Variants in APCDD1L observed in about 807,000 individuals in gnomAD.
The protein encoded by APCDD1L is protein APCDD1-like.
In APCDD1L, 21 loss-of-function variants were observed where a neutral mutation model predicts 24.2. That is an observed-to-expected ratio of 0.87 (90% CI 0.61 to 1.25). The LOEUF (loss-of-function observed/expected upper bound fraction) is 1.25, where lower values mean the gene tolerates loss of function less well. APCDD1L is among the 50% of genes most tolerant of loss of function. APCDD1L has a pLI of 0.00. For missense variants in APCDD1L, 704 were observed against 711.7 expected (o/e 0.99, Z 0.12); for synonymous variants, 321 against 323.6 (o/e 0.99, Z 0.09).
At chr20:58,499,959 C>T (rs930709608) in intron 1 of APCDD1L, among the ~76,000 whole-genome samples, 16 of 152,184 alleles carry the variant, frequency 1.1e-4, no homozygotes, top group African/African-American at 3.9e-4. Flanking sequence ...GTGCCTACTA[C>T]AGACTGGGCA....
At position 58,467,313 on chromosome 20, in the gene APCDD1L, G is replaced by T; in HGVS notation, c.534C>A (p.Ser178Arg). 6.6e-7 allele frequency: 1 copy of T among 1,519,858 alleles called. No individual in the cohort carries two copies. The highest frequency in any genetic ancestry group is 8.8e-7 in the Non-Finnish European group (1 of 1,140,456). 94.1% of individuals were successfully genotyped at this position (1,519,858 alleles called of 1,614,324 possible). Residue 178 changes from serine (S) to arginine (R), a missense_variant, in exon 3 of 4, where the codon AGC (serine) becomes AGA (arginine). By Grantham distance (110) the Ser-to-Arg change is moderately radical. Coordinates refer to ENST00000371149, the MANE Select transcript of APCDD1L (RefSeq NM_153360.3). The surrounding 1 kb of genome is among the most constrained non-coding windows in gnomAD (Gnocchi z 5.9). ...CCAGGCAGTCCCCCTGAGCCCGGGC[G>T]CTCCGCAGCTCGTACAGCGCCCCAG... ...WLPGALYELR[S>R]ARAQGDCLEA...
chr20:58,464,837 ATC>A (rs1272318142), intron 3 of APCDD1L, among the ~76,000 whole-genome samples: 2 of 149,962 alleles, frequency 1.3e-5, no homozygotes, highest in Non-Finnish European at 3.0e-5. Context: ...CTTTGAAATT[ATC>A]TGTCTTTTCT....
intron 1 of APCDD1L, among the ~76,000 whole-genome samples, chr20:58,479,534 G>C (rs1600855892): frequency 6.6e-6 from 1 of 151,606 alleles, no homozygotes; most frequent in African/African-American, 2.4e-5. Context: ...CCCAGCTTTA[G>C]CCCAAACAGT....
rs768091413 is a variant in APCDD1L at position 58,460,740 on chromosome 20, GA to G, written c.*49del. ...CCCTACAGCTGCCAGGAGGGAGTCT[GA>G]AGGGTTGAATGGGTGTCCAGAGCCG... On this transcript the variant is annotated 3_prime_UTR_variant, in exon 4 of 4. Transcript: ENST00000371149. The surrounding 1 kb of genome is among the most constrained non-coding windows in gnomAD (Gnocchi z 4.2). The G allele has an allele frequency of 6.7e-7, 1 of 1,500,922 alleles. No individual in the cohort carries two copies. Among genetic ancestry groups the G allele is most frequent in the Non-Finnish European group, 8.9e-7 (1 of 1,123,932 alleles). The allele number at this position is 1,500,922 out of a possible 1,614,324, so 93.0% of individuals were successfully genotyped here.
chr20:58,481,378 C>A (rs936871632), intron 1 of APCDD1L, among the ~76,000 whole-genome samples: 1 of 152,308 alleles, frequency 6.6e-6, no homozygotes, highest in Non-Finnish European at 1.5e-5. Context: ...GGCGAAGACC[C>A]CTCAGAACCC....
chr20:58,483,871 G>A (rs540342811), intron 1 of APCDD1L, among the ~76,000 whole-genome samples: 17 of 152,266 alleles, frequency 1.1e-4, no homozygotes, highest in African/African-American at 3.9e-4. Flanking sequence ...CTGGAACATG[G>A]ATGATAATGG....
At chr20:58,465,927 C>A (rs2123133952) in intron 3 of APCDD1L, among the ~76,000 whole-genome samples, 1 of 152,140 alleles carries the variant, frequency 6.6e-6, no homozygotes, top group Non-Finnish European at 1.5e-5. Flanking sequence ...TCATTTAAAT[C>A]CCACGTATTT....
intron 1 of APCDD1L, among the ~76,000 whole-genome samples, chr20:58,509,825 G>A (rs1219258305): frequency 6.6e-6 from 1 of 152,184 alleles, no homozygotes; most frequent in Non-Finnish European, 1.5e-5. Flanking sequence ...ACTACTTCTA[G>A]AGGCATCTCA....
At position 58,512,567 on chromosome 20, in the gene APCDD1L, G is replaced by A. The variant is rs140592361; in HGVS notation, c.49+2092C>T. Among the ~76,000 whole-genome samples, 74 of 152,220 alleles carry A rather than the reference G, an allele frequency of 4.9e-4. No homozygotes were observed. The East Asian group carries it at 0.014, about 28-fold the overall frequency. On this transcript the variant is annotated intron_variant, in intron 1 of 3. Coordinates refer to ENST00000371149, the MANE Select transcript of APCDD1L (RefSeq NM_153360.3). ...CGGCGAGGTTAAGAACCCCTAACGT[G>A]TGTGTACTCAATCTGAATTCTCTTG... is the stretch of plus-strand genomic sequence containing the variant.
chr20:58,482,535 C>T (rs1020978145), intron 1 of APCDD1L, among the ~76,000 whole-genome samples: 2 of 152,140 alleles, frequency 1.3e-5, no homozygotes, highest in African/African-American at 2.4e-5. Flanking sequence ...TTCTTACCCT[C>T]GGAAGAGCGC....
chr20:58,463,815 G>A (rs1989657915), intron 3 of APCDD1L, among the ~76,000 whole-genome samples: 1 of 142,494 alleles, frequency 7.0e-6, no homozygotes, highest in Non-Finnish European at 1.5e-5. Flanking sequence ...ACTGCTGAGT[G>A]AGTTTCATGC....
intron 1 of APCDD1L, among the ~76,000 whole-genome samples, chr20:58,484,431 C>T (rs1990082369): frequency 6.6e-6 from 1 of 152,106 alleles, no homozygotes; most frequent in Non-Finnish European, 1.5e-5. Flanking sequence ...CCACGGTAGG[C>T]GGGCAATACA....
intron 2 of APCDD1L, among the ~76,000 whole-genome samples, chr20:58,468,226 C>T (rs1210371388): frequency 6.6e-6 from 1 of 152,188 alleles, no homozygotes; most frequent in Non-Finnish European, 1.5e-5. Context: ...TGCAACTACT[C>T]AAAGTTGCCA....
intron 1 of APCDD1L, among the ~76,000 whole-genome samples, chr20:58,504,759 A>T (rs1020130589): frequency 2.6e-5 from 4 of 152,064 alleles, no homozygotes; most frequent in Non-Finnish European, 5.9e-5. Context: ...AAACATCTAG[A>T]TGTTTGGGGC....
At position 58,467,011 on chromosome 20, in the gene APCDD1L, C is replaced by A; in HGVS notation, c.741+95G>T. ...ACAGCCGGGCAGCCAGAGCCCTGGG[C>A]AGGCCCAGGTCTTGCAAAGCTGCGG... On this transcript the variant is annotated intron_variant, in intron 3 of 3. Transcript: ENST00000371149. This position sits in a 1 kb window ranked among gnomAD's most constrained non-coding sequence, Gnocchi z 5.9. 1 of 1,443,816 alleles carries A rather than the reference C, an allele frequency of 6.9e-7. No individual in the cohort carries two copies. 89.4% of individuals were successfully genotyped at this position (1,443,816 alleles called of 1,614,324 possible).
At chr20:58,490,607 G>A (rs1033968983) in intron 1 of APCDD1L, among the ~76,000 whole-genome samples, 2 of 152,188 alleles carry the variant, frequency 1.3e-5, no homozygotes, top group African/African-American at 4.8e-5. Context: ...ACAGCAAAAG[G>A]CAGAGTGTGA....
chr20:58,478,669 A>G (rs1989962760), intron 1 of APCDD1L, among the ~76,000 whole-genome samples: 1 of 152,108 alleles, frequency 6.6e-6, no homozygotes, highest in South Asian at 2.1e-4. Flanking sequence ...TGAATGAATG[A>G]ATGGCTTGTG....
chr20:58,493,089 C>CAG (rs771314995), intron 1 of APCDD1L, among the ~76,000 whole-genome samples: 2 of 152,126 alleles, frequency 1.3e-5, no homozygotes, highest in South Asian at 2.1e-4. Context: ...TACATGCATA[C>CAG]ACGCACTCAC....
Position 58,510,356 on chromosome 20 carries a change from T to C in APCDD1L, c.49+4303A>G, listed in dbSNP as rs1467208665. On this transcript the variant is annotated intron_variant, in intron 1 of 3. Transcript: ENST00000371149. ...CTGCTAGACAATTCTTCCTCTTTTT[T>C]TTGTCTCGCCCTGTTGCCCAGGCTG... Among the ~76,000 whole-genome samples the C allele has an allele frequency of 2.0e-5, 3 of 152,162 alleles. No individual in the cohort carries two copies. The South Asian group carries it at 6.2e-4, about 32-fold the overall frequency.
Sources: allele counts gnomAD v4.1 joint callset (sites outside exome capture counted in the v4.1 genomes callset), GRCh38; gene constraint gnomAD v4.1.1; non-coding constraint Gnocchi (gnomAD v3.1); transcripts MANE v1.5; gene names NCBI Gene and HGNC (gene_info 2026-07-23, HGNC 2026-07-21).